Variants in SDF2 observed in about 807,000 individuals in gnomAD.
SDF2 encodes stromal cell derived factor 2, also known as stromal cell-derived factor 2.
Under a neutral mutation model 20.5 loss-of-function variants are expected in SDF2, and 12 were observed. The ratio of observed to expected loss-of-function variants is 0.58; its 90% confidence interval spans 0.37 to 0.95. The LOEUF is 0.95. Ranked by LOEUF, SDF2 falls within the 40% of genes least tolerant of loss-of-function variation. The pLI is 0.01. For synonymous variants in SDF2, 100 were observed against 101.0 expected, an observed-to-expected ratio of 0.99 and a Z score of 0.06; for missense variants, 238 against 263.1, an observed-to-expected ratio of 0.90 and a Z score of 0.66.
intron 2 of SDF2, among the ~76,000 whole-genome samples, chr17:28,652,410 A>G (rs1394704253): frequency 6.6e-6 from 1 of 152,108 alleles, no homozygotes. Context: ...TCCCAGGTTC[A>G]AACGATTCTC....
rs562841589 is a variant in SDF2 at position 28,655,739 on chromosome 17, G to A, written c.152-256C>T. 4.2e-4 allele frequency: 227 copies of A among 542,838 alleles called. 1 individual carries two copies. Among genetic ancestry groups the A allele is most frequent in the Admixed American group, 1.0e-3 (37 of 35,268 alleles). The allele number at this position is 542,838 out of a possible 1,614,324, so 33.6% of individuals were successfully genotyped here. A position where few individuals can be genotyped will look rare whatever the true frequency, so the allele number is the denominator to read the frequency against. On this transcript the variant is annotated intron_variant, in intron 1 of 2. Transcript: ENST00000247020. ...AGACAAGGGCCAAGCCCATCTTTGCGTGCTTGCATCCAAATGTGAAGAGCC... is the reference window on the plus strand; with the variant it reads ...AGACAAGGGCCAAGCCCATCTTTGCATGCTTGCATCCAAATGTGAAGAGCC...
chr17:28,662,141 G>A (rs567868702), upstream of SDF2: 4 of 383,524 alleles, frequency 1.0e-5, no homozygotes, highest in Admixed American at 4.2e-5. Flanking sequence ...TTCCGAGAGC[G>A]GGAGAGAGAA....
Position 28,661,083 on chromosome 17 carries a change from TAAAAAA to T in SDF2, c.151+637_151+642del, listed in dbSNP as rs11385140. On this transcript the variant is annotated intron_variant, in intron 1 of 2. Transcript: ENST00000247020. ...TACTAAACATTTTAATTTCAAACGC[TAAAAAA>T]AAAAAAAAAAAAAAGCAGTTTTCTC... The T allele has an allele frequency of 1.4e-4, 43 of 314,396 alleles. No individual in the cohort carries two copies. In the East Asian group the frequency reaches 1.5e-3, roughly 11 times the overall value. The allele number at this position is 314,396 out of a possible 1,614,324, so 19.5% of individuals were successfully genotyped here. A position where few individuals can be genotyped will look rare whatever the true frequency, so the allele number is the denominator to read the frequency against.
intron 1 of SDF2, among the ~76,000 whole-genome samples, chr17:28,658,020 A>G (rs2071981416): frequency 6.6e-6 from 1 of 152,104 alleles, no homozygotes; most frequent in Non-Finnish European, 1.5e-5. Flanking sequence ...AGCTCCTTTC[A>G]TGACTTTATT....
chr17:28,652,103 C>T (rs560825053), intron 2 of SDF2, among the ~76,000 whole-genome samples: 2 of 151,930 alleles, frequency 1.3e-5, no homozygotes, highest in South Asian at 2.1e-4. Flanking sequence ...CCAAGGAGTT[C>T]GAGGCTCTAG....
intron 2 of SDF2, among the ~76,000 whole-genome samples, chr17:28,651,009 A>G (rs1307327538): frequency 6.6e-6 from 1 of 151,756 alleles, no homozygotes; most frequent in Non-Finnish European, 1.5e-5. Context: ...GACTTAAACG[A>G]TTCTCCCCAC....
rs1354952598 is a variant in SDF2, at chr17:28,648,762, G to GC, written c.*226dup. The GC allele has an allele frequency of 5.2e-6, 3 of 578,502 alleles. No individual in the cohort carries two copies. In the East Asian group the frequency reaches 8.5e-5, roughly 16 times the overall value. The allele number at this position is 578,502 out of a possible 1,614,324, so 35.8% of individuals were successfully genotyped here. On this transcript the variant is annotated 3_prime_UTR_variant, in exon 3 of 3. Coordinates refer to ENST00000247020, the MANE Select transcript of SDF2 (RefSeq NM_006923.4). ...ATAAAAAGCATCTGCCCCTTTACCA[G>GC]CAAGTCCTCTACTCAGAAAGAACTG...
chr17:28,648,418 A>C lies in SDF2; in HGVS notation c.*571T>G, dbSNP rs930469179. On this transcript the variant is annotated 3_prime_UTR_variant, in exon 3 of 3. Coordinates refer to ENST00000247020, the MANE Select transcript of SDF2 (RefSeq NM_006923.4). ...GCTATAATTAGTCAAAGATCTATTA[A>C]AGATGAGATGCCTGGAGAGAAGTCA... is the stretch of plus-strand genomic sequence containing the variant. The C allele has an allele frequency of 1.3e-5, 2 of 153,774 alleles. No homozygotes were observed. Among genetic ancestry groups the C allele is most frequent in the African/African-American group, 4.8e-5 (2 of 41,454 alleles). The allele number at this position is 153,774 out of a possible 1,614,324, so 9.5% of individuals were successfully genotyped here.
Position 28,650,635 on chromosome 17 carries a change from A to T in SDF2, c.349-1359T>A, listed in dbSNP as rs566263378. The stretch of plus-strand genomic sequence containing the variant: ...ACCCCATCTCTACTAAAAATACAAA[A>T]ATTAGCCAGGTGTGGTGGCAGGCGC... On this transcript the variant is annotated intron_variant, in intron 2 of 2. Coordinates refer to ENST00000247020, the MANE Select transcript of SDF2 (RefSeq NM_006923.4). 3.3e-5 allele frequency among the ~76,000 whole-genome samples: 5 copies of T among 151,550 alleles called. No individual in the cohort carries two copies. The South Asian group carries it at 1.0e-3, about 32-fold the overall frequency.
intron 1 of SDF2, among the ~76,000 whole-genome samples, chr17:28,658,598 C>A (rs2071989251): frequency 6.6e-6 from 1 of 152,174 alleles, no homozygotes; most frequent in Admixed American, 6.5e-5. Context: ...TAACAGCATC[C>A]CAAAGCTGAA....
chr17:28,652,965 A>C (rs775820939), intron 2 of SDF2, among the ~76,000 whole-genome samples: 3 of 152,254 alleles, frequency 2.0e-5, no homozygotes, highest in Non-Finnish European at 4.4e-5. Flanking sequence ...TAAACTATCC[A>C]TAAGTTTATA....
chr17:28,661,299 A>G, intron 1 of SDF2: 1 of 382,430 alleles, frequency 2.6e-6, no homozygotes, highest in South Asian at 1.9e-5. Context: ...TGTAACTTTA[A>G]AATTTCAGAC....
intron 1 of SDF2, chr17:28,655,975 C>A: frequency 6.5e-6 from 1 of 154,482 alleles, no homozygotes; most frequent in Non-Finnish European, 1.4e-5. Context: ...ACTTCAAATG[C>A]AAGAAATTAA....
At chr17:28,662,184 G>T, upstream of SDF2, 1 of 281,178 alleles carries the variant, frequency 3.6e-6, no homozygotes, top group Non-Finnish European at 6.9e-6. Flanking sequence ...CGGTGACAGG[G>T]AGCCGGAAAT....
At chr17:28,661,618 G>T in intron 1 of SDF2, 108 bp downstream of exon 1, 1 of 1,252,688 alleles carries the variant, frequency 8.0e-7, no homozygotes, top group Non-Finnish European at 1.1e-6. Flanking sequence ...AACCTTCCCA[G>T]GGAACCCCTA....
intron 2 of SDF2, among the ~76,000 whole-genome samples, chr17:28,654,714 G>A (rs985289898): frequency 3.9e-5 from 6 of 152,076 alleles, no homozygotes; most frequent in South Asian, 2.1e-4. Flanking sequence ...CACTTTGGGA[G>A]GCCGAAGTGG....
At chr17:28,659,586 G>A (rs528124944) in intron 1 of SDF2, among the ~76,000 whole-genome samples, 121 of 144,204 alleles carry the variant, frequency 8.4e-4, no homozygotes, top group Middle Eastern at 4.2e-3. Context: ...GGGCAGAGGC[G>A]CTCCTCACTT....
intron 2 of SDF2, 110 bp from the exon 3 acceptor site, chr17:28,649,386 G>A: frequency 9.6e-7 from 1 of 1,040,172 alleles, no homozygotes; most frequent in South Asian, 1.5e-5. Context: ...AATCAGAGGG[G>A]CCAGGCTTAT....
At position 28,649,165 on chromosome 17, in the gene SDF2, AAG is replaced by A. The variant is rs1243104788; in HGVS notation, c.458_459del (p.Ser153PhefsTer3). 1 of 1,614,190 alleles carries A rather than the reference AAG, an allele frequency of 6.2e-7. No homozygotes were observed. The highest frequency in any genetic ancestry group is 8.5e-7 in the Non-Finnish European group (1 of 1,180,040). On this transcript the variant is annotated frameshift_variant, in exon 3 of 3. Coordinates refer to ENST00000247020, the MANE Select transcript of SDF2 (RefSeq NM_006923.4). LOFTEE classifies it high-confidence loss of function. ...GTGACAGACAGCAGTACCTCAGTGG[AAG>A]AGTGTTTGAACCGCACCTCACCATC... ...VRDGEVRFKH[S>X]STEVLLSVTG...
Sources: gnomAD v4.1 joint callset for allele counts (sites outside exome capture counted in the v4.1 genomes callset) on GRCh38, gnomAD v4.1.1 for gene constraint, MANE v1.5 for transcripts, NCBI Gene and HGNC (gene_info 2026-07-23, HGNC 2026-07-21) for gene names.